CEP85L: variants seen among roughly 807,000 people sequenced by gnomAD.
CEP85L encodes centrosomal protein of 85 kDa-like.
CEP85L carries 60 observed loss-of-function variants against 100.3 expected under a neutral mutation model. The ratio of observed to expected loss-of-function variants is 0.60; its 90% CI spans 0.49 to 0.74. CEP85L has a LOEUF of 0.74. Among genes scored for constraint, CEP85L ranks in the 30% least tolerant of loss-of-function variants. The pLI, the probability that CEP85L is intolerant of heterozygous loss-of-function variation, is 0.00. For synonymous variants in CEP85L, 319 were observed against 322.7 expected, an observed-to-expected ratio of 0.99 and a Z score of 0.12; for missense variants, 973 against 936.2, an observed-to-expected ratio of 1.04 and a Z score of -0.51.
intron 1 of CEP85L, among the ~76,000 whole-genome samples, chr6:118,633,208 C>CT (rs35254375): frequency 0.49 from 70,681 of 144,528 alleles, 17,407 homozygotes; most frequent in Middle Eastern, 0.58. Context: ...CTTGATTTGT[C>CT]TTTTTTTTTT....
At chr6:118,596,302 T>G (rs1294873115) in intron 2 of CEP85L, among the ~76,000 whole-genome samples, 2 of 152,196 alleles carry the variant, frequency 1.3e-5, no homozygotes, top group East Asian at 3.8e-4. Context: ...ATTCCTTATG[T>G]TCTGATGCAG....
intron 2 of CEP85L, among the ~76,000 whole-genome samples, chr6:118,585,037 T>C (rs745641163): frequency 2.6e-4 from 40 of 152,190 alleles, no homozygotes; most frequent in Non-Finnish European, 1.8e-4. Context: ...GAACCCAGAC[T>C]GGACCCTCTT....
At chr6:118,529,971 T>C (rs1041343202) in intron 3 of CEP85L, among the ~76,000 whole-genome samples, 1 of 151,896 alleles carries the variant, frequency 6.6e-6, no homozygotes, top group African/African-American at 2.4e-5. Flanking sequence ...CTGGCTAACA[T>C]GAAAAAATAG....
chr6:118,707,011 C>G (rs1777612255), intron 1 of CEP85L, among the ~76,000 whole-genome samples: 1 of 152,106 alleles, frequency 6.6e-6, no homozygotes, highest in Admixed American at 6.6e-5. Context: ...CCTGGCAAAT[C>G]CCCAAACTTC....
intron 5 of CEP85L, among the ~76,000 whole-genome samples, chr6:118,499,973 T>G (rs1775172755): frequency 6.6e-6 from 1 of 152,090 alleles, no homozygotes; most frequent in South Asian, 2.1e-4. Context: ...GATAACATGA[T>G]CATCTTTTAT....
At chr6:118,621,900 C>T (rs574308585) in intron 2 of CEP85L, among the ~76,000 whole-genome samples, 32 of 152,302 alleles carry the variant, frequency 2.1e-4, no homozygotes, top group African/African-American at 7.7e-4. Context: ...GGGCAAATAA[C>T]TCATCTAGTA....
intron 3 of CEP85L, among the ~76,000 whole-genome samples, chr6:118,530,461 A>G (rs1777228696): frequency 6.6e-6 from 1 of 152,088 alleles, no homozygotes; most frequent in African/African-American, 2.4e-5. Flanking sequence ...ATCCAGAGTA[A>G]GACAAGGATG....
At chr6:118,465,867 T>C (rs1772479148) in intron 12 of CEP85L, among the ~76,000 whole-genome samples, 1 of 152,194 alleles carries the variant, frequency 6.6e-6, no homozygotes, top group African/African-American at 2.4e-5. Context: ...AATGTCTCTC[T>C]TCAAGCTCAA....
In CEP85L at chr6:118,469,091, T is replaced by C; in HGVS notation, c.2235A>G (p.Ser745=). Residue 745 remains serine (S), a synonymous_variant, in exon 12 of 13, where the codon TCA becomes TCG. Transcript: ENST00000368491. ...ACTTACATCTTATTCCCAGTAATAA[T>C]GAAAGATTAGGCTCCTTGCCCTGAG... ...QRAQGKEPNL[S]LLLGIRSMNC... is the part of the protein sequence containing the mutation. 6.2e-7 allele frequency: 1 copy of C among 1,612,544 alleles called. No homozygotes were observed. The highest frequency in any genetic ancestry group is 2.2e-5 in the East Asian group (1 of 44,848).
intron 3 of CEP85L, among the ~76,000 whole-genome samples, chr6:118,551,899 C>A (rs951784251): frequency 6.6e-6 from 1 of 151,950 alleles, no homozygotes; most frequent in Non-Finnish European, 1.5e-5. Context: ...TGTAAGCCAA[C>A]AGATTCATCG....
chr6:118,520,671 C>A (rs1776609626), intron 4 of CEP85L, among the ~76,000 whole-genome samples: 1 of 152,234 alleles, frequency 6.6e-6, no homozygotes, highest in Middle Eastern at 3.4e-3. Context: ...CTTAACCAAC[C>A]TCTCTGTATT....
rs753046352 is a variant in CEP85L at position 118,523,930 on chromosome 6, C to T, written c.1021-10G>A. On this transcript the variant is annotated splice_polypyrimidine_tract_variant and intron_variant, in intron 3 of 12. Transcript: ENST00000368491. ...ATGATCCAGTCAAAACCTGCAGAAA[C>T]ATGTTTACACAATTAGTATACTAAA... 3 of 1,250,486 alleles carry T rather than the reference C, an allele frequency of 2.4e-6. No individual in the cohort carries two copies. The Admixed American group carries it at 5.4e-5, about 23-fold the overall frequency. 77.5% of individuals were successfully genotyped at this position (1,250,486 alleles called of 1,614,324 possible).
At chr6:118,476,434 A>G (rs1429078978) in intron 10 of CEP85L, among the ~76,000 whole-genome samples, 1 of 152,198 alleles carries the variant, frequency 6.6e-6, no homozygotes, top group East Asian at 1.9e-4. Context: ...AAACTTGAGA[A>G]AAAGAACTTT....
At chr6:118,543,770 T>A (rs924565073) in intron 3 of CEP85L, among the ~76,000 whole-genome samples, 4 of 152,228 alleles carry the variant, frequency 2.6e-5, no homozygotes, top group Non-Finnish European at 5.9e-5. Context: ...TATGTAATTC[T>A]GTAAAGAGTG....
chr6:118,595,838 T>C (rs1281911682), intron 2 of CEP85L, among the ~76,000 whole-genome samples: 2 of 152,180 alleles, frequency 1.3e-5, no homozygotes, highest in Admixed American at 6.6e-5. Flanking sequence ...ACCAAATTAA[T>C]GCAGCACTTC....
intron 7 of CEP85L, 99 bp from the exon 8 acceptor site, chr6:118,482,032 TA>T (rs35791512): frequency 0.5 from 175,601 of 354,570 alleles, 28,713 homozygotes; most frequent in African/African-American, 0.56. Context: ...GACTTGTAGC[TA>T]AAAAAAAAAA....
intron 2 of CEP85L, among the ~76,000 whole-genome samples, chr6:118,600,406 C>T (rs1419712016): frequency 2.7e-5 from 4 of 146,276 alleles, no homozygotes; most frequent in Non-Finnish European, 4.5e-5. Context: ...CTGCAACCTC[C>T]GCCTTCCAGG....
rs1772340870 is a variant in CEP85L, at chr6:118,463,663, T to A, written c.*1742A>T. 2 of 152,046 alleles carry A rather than the reference T, an allele frequency of 1.3e-5. No individual in the cohort carries two copies. The allele number at this position is 152,046 out of a possible 1,614,324, so 9.4% of individuals were successfully genotyped here. A position where few individuals can be genotyped will look rare whatever the true frequency, so the allele number is the denominator to read the frequency against. On this transcript the variant is annotated 3_prime_UTR_variant, in exon 13 of 13. Coordinates refer to ENST00000368491, the MANE Select transcript of CEP85L (RefSeq NM_001042475.3). ...TAAGGACTCTGGGATGCAGGAGCAC[T>A]ACAATGTACTTACTGATTTCTTAGT...
rs1196464161 is a variant in CEP85L, at chr6:118,465,566, T to C, written c.2257A>G (p.Met753Val). Residue 753 changes from methionine to valine, a missense_variant and splice_region_variant, in exon 13 of 13, where the codon ATG becomes GTG. Coordinates refer to ENST00000368491, the MANE Select transcript of CEP85L (RefSeq NM_001042475.3). ...TCAGTCTCTTCAGCTGAACAGTTCATTGCTGTGTAAATAAAACATAGAGAG... is the reference window on the plus strand; with the variant it reads ...TCAGTCTCTTCAGCTGAACAGTTCACTGCTGTGTAAATAAAACATAGAGAG... The part of the protein sequence containing the change: ...NLSLLLGIRS[M>V]NCSAEETEND... 4.4e-6 allele frequency: 7 copies of C among 1,607,594 alleles called. No homozygotes were observed. The African/African-American group carries it at 5.4e-5, about 12-fold the overall frequency.
Sources: gnomAD v4.1 joint callset for allele counts (sites outside exome capture counted in the v4.1 genomes callset) on GRCh38, gnomAD v4.1.1 for gene constraint, MANE v1.5 for transcripts, NCBI Gene and HGNC (gene_info 2026-07-23, HGNC 2026-07-21) for gene names.